Variants in ZNF335 observed in about 807,000 individuals in gnomAD.
ZNF335 encodes zinc finger protein 335.
ZNF335 carries 84 observed loss-of-function variants against 145.6 expected under a neutral mutation model. The observed-to-expected ratio is 0.58, with a 90% CI of 0.48 to 0.69. ZNF335 has a LOEUF of 0.69. Ranked by LOEUF, ZNF335 falls within the 30% of genes least tolerant of loss-of-function variation. The pLI, the probability that ZNF335 is intolerant of heterozygous loss-of-function variation, is 0.00. For synonymous variants in ZNF335, 761 were observed against 717.0 expected (o/e 1.06, Z -0.98); for missense variants, 1,865 against 1,809.7 (o/e 1.03, Z -0.55).
rs376254879 is a variant in ZNF335, at chr20:45,968,315, G to A, written c.490C>T (p.Arg164Trp). 31 of 1,613,310 alleles carry A rather than the reference G, an allele frequency of 1.9e-5. No homozygotes were observed. Among genetic ancestry groups the A allele is most frequent in the South Asian group, 3.3e-5 (3 of 91,070 alleles). Residue 164 changes from arginine (R) to tryptophan (W), a missense_variant, in exon 4 of 28, where the codon CGG (arginine) becomes TGG (tryptophan). Transcript: ENST00000322927. Reference sequence around the variant, plus strand: ...TCTGGGCCCTGTAGGATCAGGTACCGTGTGGTCTCGGCCCCGCCATCCTCA... The same window carrying A: ...TCTGGGCCCTGTAGGATCAGGTACCATGTGGTCTCGGCCCCGCCATCCTCA... ...SAEDGGAETT[R>W]YLILQGPDDG...
Position 45,957,944 on chromosome 20 carries a change from AT to A in ZNF335, c.2254-17del. On this transcript the variant is annotated splice_polypyrimidine_tract_variant and intron_variant, in intron 15 of 27. Transcript: ENST00000322927. ...CTGGGGGTATCTATGGGGTGGAGAT[AT>A]GGCCACGCCTGAGAGGGGCCAGCCC... 6.2e-7 allele frequency: 1 copy of A among 1,611,854 alleles called. No individual in the cohort carries two copies. The highest frequency in any genetic ancestry group is 8.5e-7 in the Non-Finnish European group (1 of 1,178,110).
Position 45,969,598 on chromosome 20 carries a change from C to G in ZNF335, c.295G>C (p.Val99Leu). ...SSVSHGPVAG[V>L]TGGPPALVHS... ...ACAAGTGCTGGGGGACCGCCTGTCA[C>G]CCCTGCCACTGGCCCATGAGACACA... Residue 99 changes from valine (V) to leucine (L), a missense_variant, in exon 3 of 28, where the codon GTG becomes CTG. By Grantham distance (32) the Val-to-Leu change is conservative. Coordinates refer to ENST00000322927, the MANE Select transcript of ZNF335 (RefSeq NM_022095.4). 6.2e-7 allele frequency: 1 copy of G among 1,608,166 alleles called. No individual in the cohort carries two copies.
At chr20:45,952,790 A>T in intron 18 of ZNF335, 81 bp from the exon 19 acceptor site, 1 of 1,299,588 alleles carries the variant, frequency 7.7e-7, no homozygotes, top group South Asian at 1.3e-5. Context: ...TCAACTGAGG[A>T]GTGACTGTCA....
intron 10 of ZNF335, chr20:45,961,659 C>G (rs6073972): frequency 0.13 from 21,483 of 163,016 alleles, 1,785 homozygotes; most frequent in South Asian, 0.2. Context: ...GAATTATAAT[C>G]CTGTGAGCAA....
chr20:45,953,885 G>A lies in ZNF335; in HGVS notation c.2506C>T (p.Pro836Ser). 1.9e-6 allele frequency: 3 copies of A among 1,613,472 alleles called. No individual in the cohort carries two copies. Among genetic ancestry groups the A allele is most frequent in the South Asian group, 1.1e-5 (1 of 90,998 alleles). Reference sequence around the variant, plus strand: ...ACCACCTGTGGAGTGGCACCTTCAGGGGAGGGCTGCCCACCAGGGGATGCT... The same window carrying A: ...ACCACCTGTGGAGTGGCACCTTCAGAGGAGGGCTGCCCACCAGGGGATGCT... The part of the protein sequence containing the change: ...GLASPGGQPS[P>S]EGATPQVVTL... Residue 836 changes from proline (P) to serine (S), a missense_variant, in exon 18 of 28, where the codon CCT (proline) becomes TCT (serine). Transcript: ENST00000322927.
intron 1 of ZNF335, chr20:45,971,802 G>A (rs1442034953): frequency 8.1e-6 from 8 of 985,214 alleles, no homozygotes; most frequent in Non-Finnish European, 9.6e-6. Flanking sequence ...TTGCAGGGCC[G>A]GTGGTACAGC....
rs760063747 is a variant in ZNF335, at chr20:45,948,932, T to C, written c.*21A>G. The stretch of plus-strand genomic sequence containing the variant: ...AGGAGAGCTGGCCGCAAATCCATGA[T>C]CTGTGTTGGGCCCTCGGGGCTCAGT... On this transcript the variant is annotated 3_prime_UTR_variant, in exon 28 of 28. Coordinates refer to ENST00000322927, the MANE Select transcript of ZNF335 (RefSeq NM_022095.4). 6.2e-7 allele frequency: 1 copy of C among 1,613,666 alleles called. No individual in the cohort carries two copies. Among genetic ancestry groups the C allele is most frequent in the Non-Finnish European group, 8.5e-7 (1 of 1,179,978 alleles).
At chr20:45,949,436 G>A (rs372007244) in intron 25 of ZNF335, 38 bp from the exon 26 acceptor site, 1 of 1,613,852 alleles carries the variant, frequency 6.2e-7, no homozygotes, top group African/African-American at 1.3e-5. Flanking sequence ...CTAGGGAGAG[G>A]TCATGCAGCC....
rs746668441 is a variant in ZNF335 at position 45,965,920 on chromosome 20, C to T, written c.956-146G>A. The T allele has an allele frequency of 1.9e-5, 19 of 1,013,070 alleles. 1 individual carries two copies. In the African/African-American group the frequency reaches 3.2e-4, roughly 17 times the overall value. 62.8% of individuals were successfully genotyped at this position (1,013,070 alleles called of 1,614,324 possible). On this transcript the variant is annotated intron_variant, in intron 6 of 27. Transcript: ENST00000322927. ...CTCCTCCAGAAAGCCCTCCTGATCT[C>T]CTCTGGCTGACTTGGCGTTCCTGCC...
Position 45,959,333 on chromosome 20 carries a change from T to A in ZNF335, c.2121A>T (p.Glu707Asp). 1.3e-6 allele frequency: 2 copies of A among 1,585,736 alleles called. No individual in the cohort carries two copies. Among genetic ancestry groups the A allele is most frequent in the Non-Finnish European group, 1.7e-6 (2 of 1,163,528 alleles). ...VRCRHASSFE[E>D]WGRRHPEEPP... ...GCTCCTCAGGGTGGCGCCTCCCCCA[T>A]TCCTCGAAGCTGCTTGCGTGTCGGC... The change falls in exon 15 of 28, where the codon GAA (glutamate) becomes GAT (aspartate). Residue 707 changes from glutamate to aspartate, a missense_variant. Physicochemically the swap from Glu to Asp is conservative, Grantham distance 45. Coordinates refer to ENST00000322927, the MANE Select transcript of ZNF335 (RefSeq NM_022095.4).
At position 45,957,577 on chromosome 20, in the gene ZNF335, G is replaced by A. The variant is rs771648777; in HGVS notation, c.2442+9C>T. On this transcript the variant is annotated intron_variant, in intron 17 of 27. Coordinates refer to ENST00000322927, the MANE Select transcript of ZNF335 (RefSeq NM_022095.4). The stretch of plus-strand genomic sequence containing the variant: ...GCTGGGAAGGGGAGCAGGTTCCCAG[G>A]CAGCTCACCTGCAGGGCTGTGCCCC... 6.2e-7 allele frequency: 1 copy of A among 1,613,002 alleles called. No homozygotes were observed. Among genetic ancestry groups the A allele is most frequent in the East Asian group, 2.2e-5 (1 of 44,886 alleles).
chr20:45,962,038 CT>C (rs1443001898), intron 10 of ZNF335, 31 bp downstream of exon 10: 1 of 1,213,374 alleles, frequency 8.2e-7, no homozygotes, highest in Non-Finnish European at 1.2e-6. Flanking sequence ...CCTGGCCTCT[CT>C]TGCCCAGGTC....
chr20:45,962,777 TTG>T (rs954254259), intron 9 of ZNF335, among the ~76,000 whole-genome samples: 1 of 151,764 alleles, frequency 6.6e-6, no homozygotes, highest in African/African-American at 2.4e-5. Context: ...ACATGGTAGC[TTG>T]TGTTAAGGAG....
At position 45,952,228 on chromosome 20, in the gene ZNF335, ACT is replaced by A; in HGVS notation, c.3106_3107del (p.His1037GlnfsTer41). 4 of 1,613,150 alleles carry A rather than the reference ACT, an allele frequency of 2.5e-6. No homozygotes were observed. The highest frequency in any genetic ancestry group is 3.4e-6 in the Non-Finnish European group (4 of 1,179,982). On this transcript the variant is annotated frameshift_variant, in exon 20 of 28. Transcript: ENST00000322927. LOFTEE classifies it high-confidence loss of function. Reference protein sequence around the residue: ...EAFPGRAEMESHKRAHAGPGA... With the variant: ...EAFPGRAEMEXHKRAHAGPGA... ...CAGGCCCAGCGTGGGCCCGCTTGTG[ACT>A]CTCCATCTCAGCTCGGCCAGGGAAG...
In ZNF335 at chr20:45,953,677, A is replaced by G. The variant is rs1568809091; in HGVS notation, c.2702+12T>C. 6.2e-7 allele frequency: 1 copy of G among 1,611,980 alleles called. No homozygotes were observed. The highest frequency in any genetic ancestry group is 1.7e-5 in the Admixed American group (1 of 59,990). On this transcript the variant is annotated intron_variant, in intron 18 of 27. Transcript: ENST00000322927. ...AAAAGCTGAAAGGGGCCTTGCAGGC[A>G]GCAGGTCTCACCTGTAAGGTGTGCC...
intron 2 of ZNF335, 146 bp downstream of exon 2, chr20:45,971,064 A>G: frequency 1.5e-6 from 2 of 1,320,734 alleles, no homozygotes; most frequent in South Asian, 3.1e-5. Context: ...GAGAAAATCC[A>G]TTTTAGGGGT....
intron 20 of ZNF335, 137 bp downstream of exon 20, chr20:45,952,010 G>A (rs763031266): frequency 1.4e-5 from 18 of 1,273,156 alleles, no homozygotes; most frequent in South Asian, 6.9e-5. Flanking sequence ...GGGACCTTGC[G>A]GAGTCATCTC....
chr20:45,968,494 A>G (rs1236333942), intron 3 of ZNF335, 132 bp from the exon 4 acceptor site: 9 of 781,872 alleles, frequency 1.2e-5, no homozygotes, highest in East Asian at 2.6e-5. Flanking sequence ...TGCGACTGCA[A>G]ACCAGCTGTG....
intron 18 of ZNF335, 40 bp from the exon 19 acceptor site, chr20:45,952,749 C>G (rs1235562957): frequency 1.3e-6 from 2 of 1,587,718 alleles, no homozygotes; most frequent in Non-Finnish European, 1.7e-6. Flanking sequence ...GATGGAGGGC[C>G]ACAGGAGCCC....
Sources: allele counts gnomAD v4.1 joint callset (sites outside exome capture counted in the v4.1 genomes callset), GRCh38; gene constraint gnomAD v4.1.1; transcripts MANE v1.5; gene names NCBI Gene and HGNC (gene_info 2026-07-23, HGNC 2026-07-21).